The following CA10 variants were observed in gnomAD, a reference collection of about 807,000 sequenced individuals.
The protein encoded by CA10 is carbonic anhydrase 10 (inactive), also known as carbonic anhydrase-related protein 10.
CA10 carries 14 observed loss-of-function variants against 44.2 expected under a neutral mutation model. That is an observed-to-expected ratio of 0.32 (90% CI 0.21 to 0.50). CA10 has a LOEUF of 0.50. CA10 is among the 20% of genes least tolerant of loss of function. The pLI is 0.99. For synonymous variants in CA10, 159 were observed against 141.6 expected, an observed-to-expected ratio of 1.12 and a Z score of -0.87; for missense variants, 350 against 409.7, an observed-to-expected ratio of 0.85 and a Z score of 1.26.
chr17:51,805,721 A>T (rs992665672), intron 3 of CA10, among the ~76,000 whole-genome samples: 1 of 152,210 alleles, frequency 6.6e-6, no homozygotes, highest in Non-Finnish European at 1.5e-5. Flanking sequence ...CAGTTTTAGA[A>T]CATTTCCATC....
intron 2 of CA10, among the ~76,000 whole-genome samples, chr17:52,071,508 C>G (rs1987678457): frequency 6.6e-6 from 1 of 152,050 alleles, no homozygotes; most frequent in Admixed American, 6.6e-5. Flanking sequence ...TCTGCTCTTT[C>G]TATTTGCCAC....
chr17:51,919,204 G>A (rs996248931), intron 3 of CA10, among the ~76,000 whole-genome samples: 4 of 152,106 alleles, frequency 2.6e-5, no homozygotes, highest in Middle Eastern at 3.2e-3. Flanking sequence ...AAAGATACCT[G>A]GTTTATAGGC....
chr17:52,132,389 A>G (rs536979787), intron 1 of CA10, among the ~76,000 whole-genome samples: 6 of 152,164 alleles, frequency 3.9e-5, no homozygotes, highest in Admixed American at 2.0e-4. Context: ...ATGGACTTTG[A>G]AAGAGGACTG....
intron 3 of CA10, among the ~76,000 whole-genome samples, chr17:51,840,303 A>C (rs1016775130): frequency 6.6e-6 from 1 of 152,184 alleles, no homozygotes; most frequent in African/African-American, 2.4e-5. Flanking sequence ...TGCTGTTTTT[A>C]CTGAGTTTGT....
At chr17:51,777,476 C>T (rs752213912) in intron 3 of CA10, among the ~76,000 whole-genome samples, 1 of 152,164 alleles carries the variant, frequency 6.6e-6, no homozygotes, top group Admixed American at 6.5e-5. Context: ...GAGCCCACTA[C>T]AGGACTTGAG....
At chr17:51,886,188 T>C (rs752739410) in intron 3 of CA10, among the ~76,000 whole-genome samples, 81 of 152,268 alleles carry the variant, frequency 5.3e-4, no homozygotes, top group Non-Finnish European at 9.7e-4. Context: ...CTTAGAGCTG[T>C]TTTTAGAGGT....
At chr17:52,080,306 G>C (rs1290029631) in intron 1 of CA10, among the ~76,000 whole-genome samples, 1 of 151,978 alleles carries the variant, frequency 6.6e-6, no homozygotes, top group Non-Finnish European at 1.5e-5. Flanking sequence ...CAAAAAATTA[G>C]CTGGGCTTGG....
At chr17:51,740,852 C>CT (rs1391857158) in intron 4 of CA10, among the ~76,000 whole-genome samples, 3 of 152,192 alleles carry the variant, frequency 2.0e-5, no homozygotes, top group Non-Finnish European at 2.9e-5. Context: ...GAGGCCTATA[C>CT]TGGCCACACT....
At chr17:51,960,914 G>A (rs1013389458) in intron 2 of CA10, among the ~76,000 whole-genome samples, 1 of 152,132 alleles carries the variant, frequency 6.6e-6, no homozygotes, top group African/African-American at 2.4e-5. Flanking sequence ...ATGAGTCTAG[G>A]TATTCCTGTG....
intron 3 of CA10, among the ~76,000 whole-genome samples, chr17:51,871,050 CTTTTTTTTTTTTTT>C (rs56319440): frequency 0.026 from 2,458 of 94,870 alleles, 56 homozygotes; most frequent in South Asian, 0.091. Flanking sequence ...TCCCACTTTA[CTTTTTTTTTTTTTT>C]TTTTTTTTTT....
chr17:52,085,829 C>T (rs575514871), intron 1 of CA10, among the ~76,000 whole-genome samples: 76 of 152,110 alleles, frequency 5.0e-4, no homozygotes, highest in Admixed American at 9.8e-4. Context: ...GTGATGTTTG[C>T]CATGTGTTCA....
At chr17:51,980,792 T>C (rs1405566183) in intron 2 of CA10, among the ~76,000 whole-genome samples, 1 of 152,174 alleles carries the variant, frequency 6.6e-6, no homozygotes, top group East Asian at 1.9e-4. Flanking sequence ...CCCCATTGCT[T>C]GTTTTTGTCA....
chr17:51,837,334 T>C (rs760163591), intron 3 of CA10, among the ~76,000 whole-genome samples: 9 of 152,172 alleles, frequency 5.9e-5, no homozygotes, highest in Non-Finnish European at 1.2e-4. Flanking sequence ...AGGACCTTCT[T>C]CTACCAATTA....
chr17:52,029,777 G>T (rs1338860169), intron 2 of CA10, among the ~76,000 whole-genome samples: 3 of 152,104 alleles, frequency 2.0e-5, no homozygotes, highest in Non-Finnish European at 4.4e-5. Context: ...ATTGAACCTT[G>T]ACCACAAATA....
chr17:51,763,875 G>A (rs1905282691), intron 3 of CA10, among the ~76,000 whole-genome samples: 1 of 151,838 alleles, frequency 6.6e-6, no homozygotes, highest in African/African-American at 2.4e-5. Context: ...CTCTGTCTCT[G>A]CTAATGTATC....
intron 3 of CA10, among the ~76,000 whole-genome samples, chr17:51,822,389 T>TG (rs1301616707): frequency 6.6e-6 from 1 of 152,074 alleles, no homozygotes; most frequent in Non-Finnish European, 1.5e-5. Flanking sequence ...CACTCCAGCC[T>TG]GGGTGACAGA....
intron 2 of CA10, among the ~76,000 whole-genome samples, chr17:51,979,955 C>T (rs190151046): frequency 3.9e-5 from 6 of 152,196 alleles, no homozygotes; most frequent in African/African-American, 1.4e-4. Context: ...CAAGTCTTTG[C>T]TTCTTTGCTA....
At chr17:52,154,066 A>G (rs1989755916) in intron 1 of CA10, among the ~76,000 whole-genome samples, 1 of 152,244 alleles carries the variant, frequency 6.6e-6, no homozygotes. Flanking sequence ...TACAACTCAA[A>G]TGCTACCTTA....
chr17:52,111,737 T>C (rs963851609), intron 1 of CA10, among the ~76,000 whole-genome samples: 2 of 152,170 alleles, frequency 1.3e-5, no homozygotes, highest in African/African-American at 4.8e-5. Flanking sequence ...CAATTATTAG[T>C]ATTAATTATT....
Sources: allele counts gnomAD v4.1 joint callset (sites outside exome capture counted in the v4.1 genomes callset), GRCh38; gene constraint gnomAD v4.1.1; transcripts MANE v1.5; gene names NCBI Gene and HGNC (gene_info 2026-07-23, HGNC 2026-07-21).